Variants in TAF4 observed in about 807,000 individuals in gnomAD.
TAF4 encodes the protein transcription initiation factor TFIID subunit 4.
A neutral mutation model predicts 90.3 loss-of-function variants in TAF4; 9 were observed. That is an observed-to-expected ratio of 0.10 (90% confidence interval 0.06 to 0.17). The LOEUF is 0.17. Among genes scored for constraint, TAF4 ranks in the 10% least tolerant of loss-of-function variants. TAF4 has a pLI of 1.00. For synonymous variants in TAF4, 818 were observed against 638.9 expected, an observed-to-expected ratio of 1.28 and a Z score of -4.23; for missense variants, 1,351 against 1,370.7, an observed-to-expected ratio of 0.99 and a Z score of 0.23.
chr20:61,977,721 T>G (rs1304494951), intron 14 of TAF4, among the ~76,000 whole-genome samples: 1 of 152,196 alleles, frequency 6.6e-6, no homozygotes, highest in Non-Finnish European at 1.5e-5. Flanking sequence ...GCCTCCGCAC[T>G]CCACACTAGC....
chr20:62,019,927 C>T (rs2123159574), intron 1 of TAF4, among the ~76,000 whole-genome samples: 1 of 152,328 alleles, frequency 6.6e-6, no homozygotes, highest in East Asian at 1.9e-4. Context: ...GTGCCGCAGG[C>T]CGCCCCGCAC....
At chr20:62,040,727 C>A (rs1399971034) in intron 1 of TAF4, among the ~76,000 whole-genome samples, 1 of 152,224 alleles carries the variant, frequency 6.6e-6, no homozygotes, top group African/African-American at 2.4e-5. Flanking sequence ...CAGCACTGAG[C>A]CCGCGGATGA....
At chr20:62,056,246 G>GA (rs1236419820) in intron 1 of TAF4, among the ~76,000 whole-genome samples, 3 of 152,114 alleles carry the variant, frequency 2.0e-5, no homozygotes, top group Admixed American at 6.5e-5. Flanking sequence ...CGAAAAAAAA[G>GA]AAAAAAACAA....
At chr20:62,056,579 C>G (rs1411983016) in intron 1 of TAF4, among the ~76,000 whole-genome samples, 6 of 151,886 alleles carry the variant, frequency 4.0e-5, no homozygotes, top group African/African-American at 1.5e-4. Context: ...AATGCTGGAG[C>G]CTGAGACCAC....
intron 1 of TAF4, among the ~76,000 whole-genome samples, chr20:62,038,946 G>A (rs969688767): frequency 3.9e-5 from 6 of 152,198 alleles, no homozygotes; most frequent in Non-Finnish European, 7.3e-5. Flanking sequence ...CCAGCTACTC[G>A]GGAGGCTGAG....
At chr20:62,052,492 C>T (rs951633644) in intron 1 of TAF4, among the ~76,000 whole-genome samples, 14 of 151,944 alleles carry the variant, frequency 9.2e-5, no homozygotes, top group African/African-American at 3.4e-4. Flanking sequence ...CCCAGGGTGC[C>T]CTGCCCCGCA....
intron 1 of TAF4, among the ~76,000 whole-genome samples, chr20:62,031,455 C>T (rs1318012608): frequency 1.3e-5 from 2 of 152,246 alleles, no homozygotes; most frequent in Admixed American, 6.5e-5. Context: ...AAATCCTGCA[C>T]TAACAGAGAG....
In TAF4 at chr20:62,000,031, G is replaced by A. The variant is rs956718288; in HGVS notation, c.2787+93C>T. On this transcript the variant is annotated intron_variant, in intron 11 of 14. Transcript: ENST00000252996. The stretch of plus-strand genomic sequence containing the variant: ...AACATGGAGGCACTTGGGACCCACC[G>A]CCCTCTGCCTCGGTGTGGGGAGGAG... The A allele has an allele frequency of 2.6e-5, 40 of 1,542,142 alleles. No individual in the cohort carries two copies. In the East Asian group the frequency reaches 4.9e-4, roughly 19 times the overall value.
In TAF4 at chr20:62,006,272, G is replaced by T; in HGVS notation, c.2223+238C>A. On this transcript the variant is annotated intron_variant, in intron 7 of 14. Transcript: ENST00000252996. This position sits in a 1 kb window ranked among gnomAD's most constrained non-coding sequence, Gnocchi z 7.0. ...TCCCCAGACAAGGCAGGGCGGGGAC[G>T]TGCCGGTGGTTCAAAGCCAACTCAA... 2.2e-6 allele frequency: 1 copy of T among 461,134 alleles called. No homozygotes were observed. The highest frequency in any genetic ancestry group is 3.5e-6 in the Non-Finnish European group (1 of 284,948). The allele number at this position is 461,134 out of a possible 1,614,324, so 28.6% of individuals were successfully genotyped here. A position where few individuals can be genotyped will look rare whatever the true frequency, so the allele number is the denominator to read the frequency against.
In TAF4 at chr20:62,010,236, C is replaced by A; in HGVS notation, c.1642-71G>T. 6.2e-7 allele frequency: 1 copy of A among 1,604,492 alleles called. No homozygotes were observed. Among genetic ancestry groups the A allele is most frequent in the East Asian group, 2.2e-5 (1 of 44,744 alleles). ...GCTGACGAGGGGGAGACCAGCCTCA[C>A]GCCCAGCAAAAGAAAACAAGCCTCC... On this transcript the variant is annotated intron_variant, in intron 3 of 14. Coordinates refer to ENST00000252996, the MANE Select transcript of TAF4 (RefSeq NM_003185.4). The surrounding 1 kb of genome is among the most constrained non-coding windows in gnomAD (Gnocchi z 4.5).
chr20:62,049,897 C>T (rs960249731), intron 1 of TAF4, among the ~76,000 whole-genome samples: 1 of 152,250 alleles, frequency 6.6e-6, no homozygotes, highest in Non-Finnish European at 1.5e-5. Context: ...GAGACGACGG[C>T]ACTCAAGATG....
intron 1 of TAF4, among the ~76,000 whole-genome samples, chr20:62,054,676 C>T (rs2145517442): frequency 6.6e-6 from 1 of 152,266 alleles, no homozygotes; most frequent in East Asian, 1.9e-4. Flanking sequence ...CAGATGCACC[C>T]TATGAATGCT....
chr20:61,976,472 G>C, intron 14 of TAF4, 137 bp from the exon 15 acceptor site: 5 of 1,009,788 alleles, frequency 5.0e-6, no homozygotes, highest in Non-Finnish European at 7.3e-6. Context: ...TAGGCCCACA[G>C]CTGGAGCTGG....
chr20:62,056,888 C>G (rs8184876), intron 1 of TAF4, among the ~76,000 whole-genome samples: 2 of 152,062 alleles, frequency 1.3e-5, no homozygotes, highest in East Asian at 3.9e-4. Context: ...AAAAGCCAAT[C>G]GAGCCTGCTT....
chr20:62,014,432 C>G, intron 2 of TAF4, 115 bp downstream of exon 2: 1 of 1,342,238 alleles, frequency 7.5e-7, no homozygotes, highest in Non-Finnish European at 9.8e-7. Flanking sequence ...GCCGCCCACA[C>G]TTCCCAGTCC....
At chr20:62,007,711 G>A (rs2055754980) in intron 5 of TAF4, 75 bp from the exon 6 acceptor site, 10 of 1,412,150 alleles carry the variant, frequency 7.1e-6, no homozygotes, top group Non-Finnish European at 8.8e-6. Flanking sequence ...CATCACTCTG[G>A]TCTCGTATTT....
At chr20:62,003,099 G>A (rs755624321) in intron 9 of TAF4, 61 bp downstream of exon 9, 18 of 1,448,262 alleles carry the variant, frequency 1.2e-5, no homozygotes, top group African/African-American at 2.8e-5. Flanking sequence ...GAGCAGCACG[G>A]ACTCTGGACT....
At chr20:62,007,094 G>C (rs2055750939) in intron 6 of TAF4, 1 of 290,740 alleles carries the variant, frequency 3.4e-6, no homozygotes, top group Non-Finnish European at 6.3e-6. Flanking sequence ...CAAGGTGACA[G>C]ACCCCAAATA....
Position 62,054,065 on chromosome 20 carries a change from C to T in TAF4, c.1360+10386G>A, listed in dbSNP as rs148480560. Among the ~76,000 whole-genome samples, 1,324 of 152,334 alleles carry T rather than the reference C, an allele frequency of 8.7e-3. 23 individuals are homozygous for T. The highest frequency in any genetic ancestry group is 0.03 in the African/African-American group (1,251 of 41,576). ...TGAGGCCACGCGCCACACAGACCCA[C>T]CCCAGTGCAACAGCCCCTCACCATG... On this transcript the variant is annotated intron_variant, in intron 1 of 14. Coordinates refer to ENST00000252996, the MANE Select transcript of TAF4 (RefSeq NM_003185.4).
Sources: gnomAD v4.1 joint callset for allele counts (sites outside exome capture counted in the v4.1 genomes callset) on GRCh38, gnomAD v4.1.1 for gene constraint, Gnocchi (gnomAD v3.1) non-coding constraint, MANE v1.5 for transcripts, NCBI Gene and HGNC (gene_info 2026-07-23, HGNC 2026-07-21) for gene names.